The following WDR3 variants were observed in gnomAD, a reference collection of about 807,000 sequenced individuals.
WDR3 encodes WD repeat-containing protein 3.
In WDR3, 81 loss-of-function variants were observed where a neutral mutation model predicts 123.7. The observed-to-expected ratio is 0.65, with a 90% CI of 0.55 to 0.79. The LOEUF (loss-of-function observed/expected upper bound fraction) is 0.79. Among genes scored for constraint, WDR3 ranks in the 30% least tolerant of loss-of-function variants. The pLI, the probability that WDR3 is intolerant of heterozygous loss-of-function variation, is 0.00. For synonymous variants in WDR3, 390 were observed against 388.8 expected (o/e 1.00, Z -0.04); for missense variants, 1,027 against 1,123.2 (o/e 0.91, Z 1.22).
At chr1:117,948,299 A>G in intron 12 of WDR3, 106 bp from the exon 13 acceptor site, 1 of 858,886 alleles carries the variant, frequency 1.2e-6, no homozygotes, top group South Asian at 1.7e-5. Context: ...GCAATGGATC[A>G]CATTTTTGCA....
At chr1:117,934,903 A>G (rs111899944) in intron 3 of WDR3, among the ~76,000 whole-genome samples, 13 of 152,338 alleles carry the variant, frequency 8.5e-5, no homozygotes, top group African/African-American at 3.1e-4. Context: ...AAGTGTAGGA[A>G]TAAGATGAAG....
At position 117,960,600 on chromosome 1, in the gene WDR3, T is replaced by C. The variant is rs1247170970; in HGVS notation, c.*1153T>C. The C allele has an allele frequency of 6.6e-6, 1 of 152,236 alleles. No homozygotes were observed. Among genetic ancestry groups the C allele is most frequent in the Non-Finnish European group, 1.5e-5 (1 of 68,048 alleles). The allele number at this position is 152,236 out of a possible 1,614,324, so 9.4% of individuals were successfully genotyped here. A position where few individuals can be genotyped will look rare whatever the true frequency, so the allele number is the denominator to read the frequency against. On this transcript the variant is annotated 3_prime_UTR_variant, in exon 27 of 27. Coordinates refer to ENST00000349139, the MANE Select transcript of WDR3 (RefSeq NM_006784.3). ...TATGCAGTTTACTGGGGCGATGAGT[T>C]GTTCATGCACAGGTGATTAGTGTCA...
chr1:117,952,789 T>C, intron 19 of WDR3, 127 bp downstream of exon 19: 1 of 1,447,296 alleles, frequency 6.9e-7, no homozygotes, highest in African/African-American at 1.4e-5. Context: ...AGGAGATCTT[T>C]TCAAGACCAT....
Position 117,957,128 on chromosome 1 carries a change from CTT to C in WDR3, c.2516_2517del (p.Phe839Ter), listed in dbSNP as rs1362111753. The C allele has an allele frequency of 6.2e-7, 1 of 1,612,726 alleles. No individual in the cohort carries two copies. The highest frequency in any genetic ancestry group is 8.5e-7 in the Non-Finnish European group (1 of 1,179,502). On this transcript the variant is annotated frameshift_variant, in exon 25 of 27. Coordinates refer to ENST00000349139, the MANE Select transcript of WDR3 (RefSeq NM_006784.3). LOFTEE classifies it high-confidence loss of function. ...CTTATGTCCCAGACATTCTTAAACT[CTT>C]TAACGAATTCATTCAGCTGGGCTCT... is the stretch of plus-strand genomic sequence containing the variant. ...FSYVPDILKL[F>X]NEFIQLGSDV...
chr1:117,939,485 G>A lies in WDR3; in HGVS notation c.588G>A (p.Gly196=). The A allele has an allele frequency of 6.2e-7, 1 of 1,608,524 alleles. No individual in the cohort carries two copies. Among genetic ancestry groups the A allele is most frequent in the Non-Finnish European group, 8.5e-7 (1 of 1,176,844 alleles). Residue 196 remains glycine, a synonymous_variant, in exon 6 of 27, where the codon GGG becomes GGA. Transcript: ENST00000349139. ...CTTTTTATATTCTATAGGTATGGGG[G>A]TTGGTTCTGTTGTCAGAAGAAAAGC... ...TMVGHRTEVW[G]LVLLSEEKRL...
rs1650800717 is a variant in WDR3, at chr1:117,933,339, A to G, written c.20A>G (p.Tyr7Cys). Residue 7 changes from tyrosine (Y) to cysteine (C), a missense_variant, in exon 2 of 27, where the codon TAC (tyrosine) becomes TGC (cysteine). Tyr to Cys is a radical substitution (Grantham distance 194, BLOSUM62 -2). Transcript: ENST00000349139. Reference protein sequence around the residue: MGLTKQYLRYVASAVFG... With the variant: MGLTKQCLRYVASAVFG... ...CACAACATGGGGCTCACCAAGCAGTACCTACGCTATGTTGCTAGTGCGGTC... is the reference window on the plus strand; with the variant it reads ...CACAACATGGGGCTCACCAAGCAGTGCCTACGCTATGTTGCTAGTGCGGTC... 3.7e-6 allele frequency: 6 copies of G among 1,614,106 alleles called. No homozygotes were observed. Among genetic ancestry groups the G allele is most frequent in the Admixed American group, 3.3e-5 (2 of 60,012 alleles).
At position 117,943,424 on chromosome 1, in the gene WDR3, G is replaced by C. The variant is rs201583974; in HGVS notation, c.1126G>C (p.Gly376Arg). The C allele has an allele frequency of 6.2e-7, 1 of 1,613,830 alleles. No individual in the cohort carries two copies. Among genetic ancestry groups the C allele is most frequent in the Admixed American group, 1.7e-5 (1 of 59,966 alleles). ...KSFDLIHSPH[G>R]ELKAVFLLQN... ...CTTTGACTTGATTCATTCACCTCACGGAGAGTTAAAGGCTGTCTTCCTGCT... is the reference window on the plus strand; with the variant it reads ...CTTTGACTTGATTCATTCACCTCACCGAGAGTTAAAGGCTGTCTTCCTGCT... The change falls in exon 11 of 27, where the codon GGA becomes CGA. Residue 376 changes from glycine (G) to arginine (R), a missense_variant. Transcript: ENST00000349139.
intron 2 of WDR3, among the ~76,000 whole-genome samples, chr1:117,934,082 G>A (rs1475295364): frequency 6.6e-6 from 1 of 152,140 alleles, no homozygotes; most frequent in Non-Finnish European, 1.5e-5. Context: ...GCAGTACTCT[G>A]TTGCCACACA....
At chr1:117,954,667 A>G in intron 23 of WDR3, 40 bp downstream of exon 23, 1 of 1,592,340 alleles carries the variant, frequency 6.3e-7, no homozygotes, top group Non-Finnish European at 8.6e-7. Flanking sequence ...GTTTATTAAA[A>G]GGTTACTTAC....
rs1248523348 is a variant in WDR3 at position 117,963,840 on chromosome 1, T to C, written c.*4393T>C. On this transcript the variant is annotated 3_prime_UTR_variant, in exon 27 of 27. Transcript: ENST00000349139. ...TTACGAGACATGAAGACTCCAAGTG[T>C]GGAGGAATAAATTGTAGAAGTTCTC... 1 of 1,613,852 alleles carries C rather than the reference T, an allele frequency of 6.2e-7. No homozygotes were observed. Among genetic ancestry groups the C allele is most frequent in the Non-Finnish European group, 8.5e-7 (1 of 1,179,788 alleles).
At chr1:117,938,592 G>GCAAAAAAAATT in intron 5 of WDR3, 34 bp downstream of exon 5, 1 of 1,588,934 alleles carries the variant, frequency 6.3e-7, no homozygotes, top group Non-Finnish European at 8.6e-7. Context: ...GGGAAATAAT[G>GCAAAAAAAATT]GGAAGGCAAA....
intron 11 of WDR3, 111 bp from the exon 12 acceptor site, chr1:117,945,975 T>G (rs941339711): frequency 1.1e-5 from 7 of 644,554 alleles, no homozygotes; most frequent in African/African-American, 9.3e-5. Context: ...TTTAAGACTT[T>G]TATCTTCTTT....
intron 11 of WDR3, 87 bp from the exon 12 acceptor site, chr1:117,945,999 C>G: frequency 1.1e-6 from 1 of 900,218 alleles, no homozygotes; most frequent in Non-Finnish European, 1.7e-6. Context: ...GTTGATCTGT[C>G]TAAGTGCATT....
chr1:117,961,932 A>G lies in WDR3; in HGVS notation c.*2485A>G, dbSNP rs1403632818. On this transcript the variant is annotated 3_prime_UTR_variant, in exon 27 of 27. Coordinates refer to ENST00000349139, the MANE Select transcript of WDR3 (RefSeq NM_006784.3). ...TTGAAAAAAAATTTAATTTTTTATG[A>G]GAACAGAAGTTGATTCAATATCCTT... 1.3e-5 allele frequency: 2 copies of G among 152,096 alleles called. No homozygotes were observed. The highest frequency in any genetic ancestry group is 2.9e-5 in the Non-Finnish European group (2 of 68,008). 9.4% of individuals were successfully genotyped at this position (152,096 alleles called of 1,614,324 possible). A position where few individuals can be genotyped will look rare whatever the true frequency, so the allele number is the denominator to read the frequency against.
intron 1 of WDR3, among the ~76,000 whole-genome samples, chr1:117,931,339 A>G (rs1198930678): frequency 6.6e-6 from 1 of 152,244 alleles, no homozygotes; most frequent in East Asian, 1.9e-4. Flanking sequence ...CAATTGCATA[A>G]TGTTATCAGT....
chr1:117,963,797 A>T lies in WDR3; in HGVS notation c.*4350A>T. 6.2e-7 allele frequency: 1 copy of T among 1,610,924 alleles called. No individual in the cohort carries two copies. Among genetic ancestry groups the T allele is most frequent in the Non-Finnish European group, 8.5e-7 (1 of 1,178,120 alleles). On this transcript the variant is annotated 3_prime_UTR_variant, in exon 27 of 27. Transcript: ENST00000349139. ...CAAATTCCCATTTATTACTTACTGTACCTAATGTGGAGAAACTTTACGAGA... is the reference window on the plus strand; with the variant it reads ...CAAATTCCCATTTATTACTTACTGTTCCTAATGTGGAGAAACTTTACGAGA...
At position 117,962,764 on chromosome 1, in the gene WDR3, A is replaced by C. The variant is rs773356870; in HGVS notation, c.*3317A>C. ...TTCTAAAGATATCTAGCAAATCTCC[A>C]GCAGAGATCTAGGACAGTGCCCAGG... On this transcript the variant is annotated 3_prime_UTR_variant, in exon 27 of 27. Coordinates refer to ENST00000349139, the MANE Select transcript of WDR3 (RefSeq NM_006784.3). 6 of 152,246 alleles carry C rather than the reference A, an allele frequency of 3.9e-5. No homozygotes were observed. Among genetic ancestry groups the C allele is most frequent in the Non-Finnish European group, 8.8e-5 (6 of 68,050 alleles). 9.4% of individuals were successfully genotyped at this position (152,246 alleles called of 1,614,324 possible).
intron 5 of WDR3, among the ~76,000 whole-genome samples, chr1:117,938,840 T>A (rs1471139595): frequency 1.3e-5 from 2 of 152,182 alleles, no homozygotes; most frequent in Non-Finnish European, 2.9e-5. Context: ...GTAGGGAAGT[T>A]TAATGATATT....
intron 13 of WDR3, among the ~76,000 whole-genome samples, chr1:117,949,005 A>C (rs998939761): frequency 2.0e-5 from 3 of 152,086 alleles, no homozygotes; most frequent in African/African-American, 7.2e-5. Context: ...ACAACACCTT[A>C]AGAAATTTTG....
Sources: gnomAD v4.1 joint callset for allele counts (sites outside exome capture counted in the v4.1 genomes callset) on GRCh38, gnomAD v4.1.1 for gene constraint, MANE v1.5 for transcripts, NCBI Gene and HGNC (gene_info 2026-07-23, HGNC 2026-07-21) for gene names.